Variants in PLA2G2C observed in about 807,000 individuals in gnomAD.
The protein encoded by PLA2G2C is putative inactive group IIC secretory phospholipase A2.
In PLA2G2C, 15 loss-of-function variants were observed where a neutral mutation model predicts 14.3. The ratio of observed to expected loss-of-function variants is 1.05; its 90% CI spans 0.70 to 1.62. The LOEUF (loss-of-function observed/expected upper bound fraction) is 1.62, where lower values mean the gene tolerates loss of function less well. Ranked by LOEUF, PLA2G2C falls within the 40% of genes most tolerant of loss-of-function variation. The probability of loss-of-function intolerance (pLI) is 0.00; values close to 1 mark genes in which losing one functional copy is unlikely to be tolerated. For synonymous variants in PLA2G2C, 79 were observed against 67.7 expected, an observed-to-expected ratio of 1.17 and a Z score of -0.82; for missense variants, 162 against 173.2, an observed-to-expected ratio of 0.94 and a Z score of 0.36.
In PLA2G2C at chr1:20,177,400, A is replaced by G; in HGVS notation, c.-37T>C. The G allele has an allele frequency of 1.5e-6, 1 of 673,474 alleles. No individual in the cohort carries two copies. Among genetic ancestry groups the G allele is most frequent in the Non-Finnish European group, 2.7e-6 (1 of 372,064 alleles). 41.7% of individuals were successfully genotyped at this position (673,474 alleles called of 1,614,324 possible). A position where few individuals can be genotyped will look rare whatever the true frequency, so the allele number is the denominator to read the frequency against. Reference sequence around the variant, plus strand: ...CCAGGGGGTCTGAGGTTCTACAGCCACGCCTTCACCTGTGTGTGAGGGGTC... The same window carrying G: ...CCAGGGGGTCTGAGGTTCTACAGCCGCGCCTTCACCTGTGTGTGAGGGGTC... On this transcript the variant is annotated 5_prime_UTR_variant, in exon 2 of 5. Transcript: ENST00000679259.
intron 1 of PLA2G2C, chr1:20,186,122 G>A (rs1233188638): frequency 6.6e-6 from 1 of 152,532 alleles, no homozygotes; most frequent in Non-Finnish European, 1.5e-5. Flanking sequence ...ACAGAGCCCG[G>A]GCGCAGGCGG....
chr1:20,173,685 A>C (rs1223563514), intron 3 of PLA2G2C, among the ~76,000 whole-genome samples: 1 of 152,222 alleles, frequency 6.6e-6, no homozygotes, highest in Non-Finnish European at 1.5e-5. Context: ...GAGGAGAAAT[A>C]CCATCTGGAG....
At chr1:20,174,914 G>T (rs576553364) in intron 3 of PLA2G2C, 93 bp downstream of exon 3, 3 of 1,258,946 alleles carry the variant, frequency 2.4e-6, no homozygotes, top group South Asian at 1.6e-5. Context: ...TCTGTTATTT[G>T]CCAGGCAAGA....
At chr1:20,169,061 G>A (rs1178361356) in intron 4 of PLA2G2C, among the ~76,000 whole-genome samples, 2 of 152,218 alleles carry the variant, frequency 1.3e-5, no homozygotes, top group African/African-American at 4.8e-5. Flanking sequence ...TAGGCAACCT[G>A]GGACCAGGCC....
chr1:20,163,256 C>G lies in PLA2G2C; in HGVS notation c.*735G>C, dbSNP rs1474604531. 6.6e-6 allele frequency: 1 copy of G among 152,254 alleles called. No homozygotes were observed. The highest frequency in any genetic ancestry group is 1.9e-4 in the East Asian group (1 of 5,202). The allele number at this position is 152,254 out of a possible 1,614,324, so 9.4% of individuals were successfully genotyped here. ...ATCCAGGTGGGCTCTCATCCTCCAGCAGGCTAGCCCAGGCTTTTTTGCAGG... is the reference window on the plus strand; with the variant it reads ...ATCCAGGTGGGCTCTCATCCTCCAGGAGGCTAGCCCAGGCTTTTTTGCAGG... On this transcript the variant is annotated 3_prime_UTR_variant, in exon 5 of 5. Coordinates refer to ENST00000679259, the MANE Select transcript of PLA2G2C (RefSeq NM_001367969.2).
At chr1:20,180,472 G>A (rs1011417268) in intron 1 of PLA2G2C, among the ~76,000 whole-genome samples, 1 of 152,208 alleles carries the variant, frequency 6.6e-6, no homozygotes, top group Non-Finnish European at 1.5e-5. Context: ...ATTTGACAGA[G>A]GAGGAGACCA....
intron 1 of PLA2G2C, among the ~76,000 whole-genome samples, chr1:20,179,491 TTG>T (rs1033761131): frequency 6.9e-6 from 1 of 145,540 alleles, no homozygotes; most frequent in Non-Finnish European, 1.5e-5. Flanking sequence ...CTTCTCCCTT[TTG>T]TGTCAGCTTC....
At chr1:20,182,561 C>T (rs754201144) in intron 1 of PLA2G2C, among the ~76,000 whole-genome samples, 11 of 152,318 alleles carry the variant, frequency 7.2e-5, no homozygotes, top group Non-Finnish European at 1.3e-4. Context: ...CATGTATCCC[C>T]ATGGTTAAGT....
chr1:20,169,848 CG>C (rs1195608968), intron 4 of PLA2G2C, among the ~76,000 whole-genome samples: 5 of 152,208 alleles, frequency 3.3e-5, no homozygotes, highest in Non-Finnish European at 7.3e-5. Flanking sequence ...CACAAAGCTC[CG>C]GGGCCTTACA....
chr1:20,185,776 A>G (rs1413677099), intron 1 of PLA2G2C, among the ~76,000 whole-genome samples: 2 of 152,108 alleles, frequency 1.3e-5, no homozygotes, highest in Admixed American at 1.3e-4. Context: ...TGAGAAACGG[A>G]TTTTGAGACT....
chr1:20,166,117 C>T (rs1206378001), intron 4 of PLA2G2C, among the ~76,000 whole-genome samples: 2 of 152,342 alleles, frequency 1.3e-5, no homozygotes, highest in Middle Eastern at 3.4e-3. Flanking sequence ...TGGGCGCTTG[C>T]TGCTGTTCTC....
chr1:20,174,989 T>TA lies in PLA2G2C; in HGVS notation c.179+17dup, dbSNP rs747903080. On this transcript the variant is annotated intron_variant, in intron 3 of 4. Transcript: ENST00000679259. ...ATGCAAAACAAATGATAAGTGGCCT[T>TA]AGAGCCTCTGCACCCACCTGTCAGT... is the stretch of plus-strand genomic sequence containing the variant. 1 of 1,603,240 alleles carries TA rather than the reference T, an allele frequency of 6.2e-7. No homozygotes were observed. The highest frequency in any genetic ancestry group is 1.3e-5 in the African/African-American group (1 of 74,346).
At chr1:20,177,704 T>C (rs1436029064) in intron 1 of PLA2G2C, among the ~76,000 whole-genome samples, 1 of 152,180 alleles carries the variant, frequency 6.6e-6, no homozygotes, top group Non-Finnish European at 1.5e-5. Flanking sequence ...ATCTCTTCTT[T>C]TTTTCTTTTG....
chr1:20,166,474 G>T (rs1257785599), intron 4 of PLA2G2C, among the ~76,000 whole-genome samples: 1 of 152,128 alleles, frequency 6.6e-6, no homozygotes, highest in Non-Finnish European at 1.5e-5. Flanking sequence ...CAGCTCCCCA[G>T]GTAGCCCCCA....
In PLA2G2C at chr1:20,172,661, A is replaced by G. The variant is rs1046034951; in HGVS notation, c.283+133T>C. The G allele has an allele frequency of 4.2e-5, 32 of 768,130 alleles. No homozygotes were observed. The African/African-American group carries it at 4.6e-4, about 11-fold the overall frequency. The allele number at this position is 768,130 out of a possible 1,614,324, so 47.6% of individuals were successfully genotyped here. A position where few individuals can be genotyped will look rare whatever the true frequency, so the allele number is the denominator to read the frequency against. ...CTGAGAAGCTCTGGAGCATCAGGAGAAAGCTCAGGAATATCTCCTTCCAAG... is the reference window on the plus strand; with the variant it reads ...CTGAGAAGCTCTGGAGCATCAGGAGGAAGCTCAGGAATATCTCCTTCCAAG... On this transcript the variant is annotated intron_variant, in intron 4 of 4. Transcript: ENST00000679259.
rs2018110668 is a variant in PLA2G2C, at chr1:20,172,825, G to A, written c.252C>T (p.Tyr84=). 1.2e-6 allele frequency: 2 copies of A among 1,613,756 alleles called. No homozygotes were observed. The highest frequency in any genetic ancestry group is 1.7e-5 in the Admixed American group (1 of 59,996). The change falls in exon 4 of 5, where the codon TAC becomes TAT. Residue 84 remains tyrosine, a synonymous_variant. Transcript: ENST00000679259. ...EFSCQPVLNS[Y]QFHIVNGAVV... ...CTGCGCCATTGACGATGTGGAACTGGTAGCTGTTCAACACAGGCTGGCAGC... is the reference window on the plus strand; with the variant it reads ...CTGCGCCATTGACGATGTGGAACTGATAGCTGTTCAACACAGGCTGGCAGC...
chr1:20,165,861 G>A lies in PLA2G2C; in HGVS notation c.284-1704C>T, dbSNP rs188029740. ...TGTGTGTTTAGGGCTCTCAGGTACAGCTTCCTCTTTCCAGATAACTCCACC... is the reference window on the plus strand; with the variant it reads ...TGTGTGTTTAGGGCTCTCAGGTACAACTTCCTCTTTCCAGATAACTCCACC... On this transcript the variant is annotated intron_variant, in intron 4 of 4. Transcript: ENST00000679259. Among the ~76,000 whole-genome samples the A allele has an allele frequency of 2.0e-5, 3 of 152,316 alleles. No individual in the cohort carries two copies. The East Asian group carries it at 5.8e-4, about 29-fold the overall frequency.
chr1:20,178,978 C>T (rs1315229252), intron 1 of PLA2G2C, among the ~76,000 whole-genome samples: 1 of 152,268 alleles, frequency 6.6e-6, no homozygotes, highest in African/African-American at 2.4e-5. Context: ...GCTGCTGACG[C>T]TGTCCCTCAC....
chr1:20,175,330 G>C, intron 2 of PLA2G2C, 185 bp from the exon 3 acceptor site: 2 of 834,104 alleles, frequency 2.4e-6, no homozygotes, highest in Non-Finnish European at 3.7e-6. Flanking sequence ...GTTCAGATTT[G>C]CCCCTGTAAC....
Sources: allele counts gnomAD v4.1 joint callset (sites outside exome capture counted in the v4.1 genomes callset), GRCh38; gene constraint gnomAD v4.1.1; transcripts MANE v1.5; gene names NCBI Gene and HGNC (gene_info 2026-07-23, HGNC 2026-07-21).